CATSPERB: variants seen among roughly 807,000 people sequenced by gnomAD.
CATSPERB encodes the protein cation channel sperm-associated auxiliary subunit beta.
CATSPERB carries 93 observed loss-of-function variants against 128.3 expected under a neutral mutation model. The ratio of observed to expected loss-of-function variants is 0.72; its 90% CI spans 0.61 to 0.86. The LOEUF is 0.86. Ranked by LOEUF, CATSPERB falls within the 40% of genes least tolerant of loss-of-function variation. CATSPERB has a pLI of 0.00. For synonymous variants in CATSPERB, 381 were observed against 448.8 expected, an observed-to-expected ratio of 0.85 and a Z score of 1.91; for missense variants, 1,153 against 1,329.5, an observed-to-expected ratio of 0.87 and a Z score of 2.06.
chr14:91,605,121 CAGGGCTGTCCTAAATAAGCAGATCCACGG>C (rs1893676632), intron 22 of CATSPERB: 11 of 1,268,180 alleles, frequency 8.7e-6, no homozygotes, highest in Non-Finnish European at 1.3e-5. Flanking sequence ...GTGGAAGAAT[CAGGGCTGTCCTAAATAAGCAGATCCACGG>C]AGGAAGGAAG....
chr14:91,730,436 A>G (rs775158927), intron 1 of CATSPERB, among the ~76,000 whole-genome samples: 5 of 152,206 alleles, frequency 3.3e-5, no homozygotes, highest in Non-Finnish European at 7.4e-5. Flanking sequence ...TCTAGCCTCC[A>G]GAACTGTGAG....
rs754503101 is a variant in CATSPERB, at chr14:91,617,730, C to T, written c.2267G>A (p.Arg756Gln). 2.8e-5 allele frequency: 45 copies of T among 1,592,860 alleles called. No individual in the cohort carries two copies. The highest frequency in any genetic ancestry group is 3.6e-5 in the Admixed American group (2 of 55,060). ...AGTCAGTAGTGGTATTTCAAGCATT[C>T]GAAAACCTATGGAAACAAGGTTAAC... The part of the protein sequence containing the change: ...AKVIRNAKGF[R>Q]MLEIPLLTVF... The change falls in exon 20 of 27, where the codon CGA (arginine) becomes CAA (glutamine). Residue 756 changes from arginine (R) to glutamine (Q), a missense_variant. Transcript: ENST00000256343.
chr14:91,682,323 G>A (rs1458445610), intron 11 of CATSPERB, among the ~76,000 whole-genome samples: 1 of 152,124 alleles, frequency 6.6e-6, no homozygotes, highest in Non-Finnish European at 1.5e-5. Context: ...GGGATATGCT[G>A]TACACAGTGG....
chr14:91,674,798 C>T (rs531287414), intron 11 of CATSPERB, among the ~76,000 whole-genome samples: 1 of 152,140 alleles, frequency 6.6e-6, no homozygotes, highest in Non-Finnish European at 1.5e-5. Context: ...TACAACCTGG[C>T]CATCGTGAAG....
intron 2 of CATSPERB, among the ~76,000 whole-genome samples, chr14:91,726,210 A>C (rs192115205): frequency 5.3e-5 from 8 of 152,224 alleles, no homozygotes; most frequent in African/African-American, 1.4e-4. Context: ...CTGAGCTGGT[A>C]AACACTTAAA....
intron 16 of CATSPERB, among the ~76,000 whole-genome samples, chr14:91,637,864 T>C (rs1018055845): frequency 5.9e-5 from 9 of 152,082 alleles, no homozygotes; most frequent in African/African-American, 1.7e-4. Context: ...AATTGTGAAG[T>C]TGGTGAAAAA....
At chr14:91,589,293 T>C (rs1328470963) in intron 24 of CATSPERB, among the ~76,000 whole-genome samples, 1 of 152,176 alleles carries the variant, frequency 6.6e-6, no homozygotes, top group Non-Finnish European at 1.5e-5. Flanking sequence ...TGACCTTCAA[T>C]TTTTTTGCAG....
intron 7 of CATSPERB, among the ~76,000 whole-genome samples, chr14:91,696,677 C>G (rs1372308311): frequency 2.0e-5 from 3 of 152,052 alleles, no homozygotes; most frequent in African/African-American, 7.3e-5. Flanking sequence ...TAGGGTATGT[C>G]TCTATCCTAA....
intron 11 of CATSPERB, among the ~76,000 whole-genome samples, chr14:91,683,170 A>T (rs1341346782): frequency 6.6e-6 from 1 of 152,192 alleles, no homozygotes; most frequent in African/African-American, 2.4e-5. Context: ...TGCAGGAAAG[A>T]TGTTCTCAGA....
At chr14:91,674,036 G>GT (rs1308733386) in intron 12 of CATSPERB, 140 bp downstream of exon 12, 12 of 573,008 alleles carry the variant, frequency 2.1e-5, no homozygotes, top group Non-Finnish European at 3.7e-5. Context: ...ATAAACCCAA[G>GT]TAGAAACACC....
At chr14:91,620,527 CAGTT>C (rs1894023645) in intron 19 of CATSPERB, among the ~76,000 whole-genome samples, 1 of 152,098 alleles carries the variant, frequency 6.6e-6, no homozygotes, top group African/African-American at 2.4e-5. Context: ...CTTCCTATCT[CAGTT>C]ATTTACTAAA....
At chr14:91,613,895 C>T (rs1893884752) in intron 20 of CATSPERB, among the ~76,000 whole-genome samples, 1 of 152,178 alleles carries the variant, frequency 6.6e-6, no homozygotes, top group Admixed American at 6.5e-5. Context: ...AACCACAGCG[C>T]ATGCACCCAA....
chr14:91,731,760 A>G (rs1292588443), intron 1 of CATSPERB, among the ~76,000 whole-genome samples, 170 bp downstream of exon 1: 1 of 152,018 alleles, frequency 6.6e-6, no homozygotes, highest in Non-Finnish European at 1.5e-5. Context: ...GTATCTGGGC[A>G]TTTTCTCTTC....
chr14:91,633,474 C>A (rs1017965575), intron 17 of CATSPERB, among the ~76,000 whole-genome samples: 1 of 151,628 alleles, frequency 6.6e-6, no homozygotes, highest in Non-Finnish European at 1.5e-5. Context: ...GTTAACAGAA[C>A]CACAGAAGGG....
chr14:91,595,806 C>T (rs1893497292), intron 22 of CATSPERB, among the ~76,000 whole-genome samples: 1 of 152,152 alleles, frequency 6.6e-6, no homozygotes. Flanking sequence ...TGCACTTATG[C>T]AAATAACTAT....
chr14:91,663,021 A>G (rs1894912297), intron 14 of CATSPERB, among the ~76,000 whole-genome samples: 1 of 152,098 alleles, frequency 6.6e-6, no homozygotes, highest in African/African-American at 2.4e-5. Flanking sequence ...TATATCCTTC[A>G]TGAAAAAGTC....
chr14:91,678,444 A>T (rs113410549), intron 11 of CATSPERB, among the ~76,000 whole-genome samples: 8 of 152,288 alleles, frequency 5.3e-5, no homozygotes, highest in African/African-American at 1.9e-4. Context: ...CTAAGGTAAA[A>T]GCTATTGGAT....
At position 91,639,264 on chromosome 14, in the gene CATSPERB, C is replaced by A; in HGVS notation, c.1433-14G>T. On this transcript the variant is annotated splice_polypyrimidine_tract_variant and intron_variant, in intron 15 of 26. Transcript: ENST00000256343. ...ATCTTCCCATTCCTATTAGGAAATA[C>A]AGAGAAGTGTCTTGATACTGATGTA... is the stretch of plus-strand genomic sequence containing the variant. The A allele has an allele frequency of 6.2e-7, 1 of 1,610,200 alleles. No homozygotes were observed. Among genetic ancestry groups the A allele is most frequent in the Non-Finnish European group, 8.5e-7 (1 of 1,178,170 alleles).
chr14:91,672,918 T>A lies in CATSPERB; in HGVS notation c.1077A>T (p.Thr359=), dbSNP rs762983259. ...KGIKIFPTVL[T]FLVDQERGTG... is the part of the protein sequence containing the mutation. ...TACCACGCTCTTGGTCAACAAGAAA[T>A]GTTAGCACAGTTGGAAAAATTTTTA... The change falls in exon 13 of 27, where the codon ACA becomes ACT. Residue 359 remains threonine (T), a synonymous_variant. Coordinates refer to ENST00000256343, the MANE Select transcript of CATSPERB (RefSeq NM_024764.4). The A allele has an allele frequency of 3.2e-5, 52 of 1,601,454 alleles. No individual in the cohort carries two copies. Among genetic ancestry groups the A allele is most frequent in the Non-Finnish European group, 4.4e-5 (52 of 1,177,416 alleles).
Sources: gnomAD v4.1 joint callset for allele counts (sites outside exome capture counted in the v4.1 genomes callset) on GRCh38, gnomAD v4.1.1 for gene constraint, MANE v1.5 for transcripts, NCBI Gene and HGNC (gene_info 2026-07-23, HGNC 2026-07-21) for gene names.